The following SHB variants were observed in gnomAD, a reference collection of about 807,000 sequenced individuals.
SHB encodes SH2 domain-containing adapter protein B.
A neutral mutation model predicts 52.3 loss-of-function variants in SHB; 20 were observed. The ratio of observed to expected loss-of-function variants is 0.38; its 90% confidence interval spans 0.27 to 0.56. The LOEUF is 0.56. Ranked by LOEUF, SHB falls within the 20% of genes least tolerant of loss-of-function variation. The pLI is 0.71. For synonymous variants in SHB, 397 were observed against 316.5 expected, an observed-to-expected ratio of 1.25 and a Z score of -2.70; for missense variants, 825 against 723.3, an observed-to-expected ratio of 1.14 and a Z score of -1.61.
chr9:38,004,094 G>A (rs1386968152), intron 2 of SHB, among the ~76,000 whole-genome samples: 3 of 152,326 alleles, frequency 2.0e-5, no homozygotes, highest in East Asian at 3.9e-4. Context: ...GTTCCTGGAG[G>A]TGCTCCCAGG....
intron 1 of SHB, among the ~76,000 whole-genome samples, chr9:38,035,310 T>C (rs7043271): frequency 0.6 from 89,958 of 151,072 alleles, 26,889 homozygotes; most frequent in Middle Eastern, 0.67. Context: ...GAGCTCCCTG[T>C]CACAGGGGAC....
At chr9:37,928,247 C>T (rs1832273081) in intron 5 of SHB, among the ~76,000 whole-genome samples, 1 of 152,194 alleles carries the variant, frequency 6.6e-6, no homozygotes, top group East Asian at 1.9e-4. Flanking sequence ...AATGGCTCCC[C>T]TCATGGAGGG....
chr9:38,007,717 A>C (rs771455731), intron 2 of SHB, among the ~76,000 whole-genome samples: 8 of 152,234 alleles, frequency 5.3e-5, no homozygotes, highest in Admixed American at 6.5e-5. Flanking sequence ...AACAAAACCT[A>C]TATCTCTGCC....
At chr9:38,028,990 A>T (rs1821380440) in intron 1 of SHB, among the ~76,000 whole-genome samples, 1 of 152,004 alleles carries the variant, frequency 6.6e-6, no homozygotes, top group South Asian at 2.1e-4. Context: ...AAGTGGATAC[A>T]GGACCACCGA....
intron 2 of SHB, among the ~76,000 whole-genome samples, chr9:37,998,444 C>CA (rs1194432677): frequency 2.6e-5 from 4 of 152,270 alleles, no homozygotes; most frequent in Admixed American, 2.6e-4. Flanking sequence ...CTGATGGTCT[C>CA]AAAATCCTAT....
At chr9:38,066,811 C>T (rs79244753) in intron 1 of SHB, among the ~76,000 whole-genome samples, 3,192 of 152,240 alleles carry the variant, frequency 0.021, 56 homozygotes, top group East Asian at 0.09. Context: ...TGTCTCCCTC[C>T]TGTCTGGACA....
At chr9:38,059,494 G>A (rs898793641) in intron 1 of SHB, among the ~76,000 whole-genome samples, 4 of 152,148 alleles carry the variant, frequency 2.6e-5, no homozygotes, top group East Asian at 1.9e-4. Context: ...TTCCTGCCTC[G>A]GGAGTTAGGA....
intron 1 of SHB, among the ~76,000 whole-genome samples, chr9:38,018,805 T>A (rs1413722362): frequency 6.6e-6 from 1 of 152,228 alleles, no homozygotes; most frequent in African/African-American, 2.4e-5. Context: ...CTGGGCAGTG[T>A]GACCACTGTC....
chr9:37,986,730 G>A (rs1820811381), intron 2 of SHB, among the ~76,000 whole-genome samples: 1 of 152,218 alleles, frequency 6.6e-6, no homozygotes, highest in South Asian at 2.1e-4. Flanking sequence ...CAGGGGCTGG[G>A]CTAGCACGGG....
At chr9:37,920,082 G>T in intron 5 of SHB, 78 bp from the exon 6 acceptor site, 2 of 1,136,424 alleles carry the variant, frequency 1.8e-6, no homozygotes, top group Non-Finnish European at 2.6e-6. Context: ...CAGCTGTCTG[G>T]GACAGAAGGG....
In SHB at chr9:38,009,088, C is replaced by G. The variant is rs554281717; in HGVS notation, c.838+6923G>C. On this transcript the variant is annotated intron_variant, in intron 2 of 5. Coordinates refer to ENST00000377707, the MANE Select transcript of SHB (RefSeq NM_003028.3). ...TCTCAGGCAGGGTGGCCAGAGGCAG[C>G]TTCTCTGACACCCAAGCAAGACTCA... Among the ~76,000 whole-genome samples, 12 of 152,336 alleles carry G rather than the reference C, an allele frequency of 7.9e-5. 1 individual carries two copies. The highest frequency in any genetic ancestry group is 7.8e-4 in the Admixed American group (12 of 15,304).
intron 3 of SHB, among the ~76,000 whole-genome samples, chr9:37,962,444 G>A (rs936775978): frequency 2.0e-5 from 3 of 152,074 alleles, no homozygotes; most frequent in African/African-American, 7.2e-5. Context: ...GTCAACAAAG[G>A]AAACTCAGGA....
chr9:38,022,147 T>C (rs1388486714), intron 1 of SHB, among the ~76,000 whole-genome samples: 3 of 152,182 alleles, frequency 2.0e-5, no homozygotes, highest in Non-Finnish European at 4.4e-5. Context: ...GCCACTAATC[T>C]CTTAGAGAAT....
intron 2 of SHB, among the ~76,000 whole-genome samples, chr9:38,012,515 C>G (rs1172980478): frequency 3.0e-4 from 45 of 152,098 alleles, no homozygotes; most frequent in Admixed American, 2.9e-3. Context: ...TCACCGGCCC[C>G]TCATTCCATA....
chr9:38,060,421 T>C (rs762686119), intron 1 of SHB, among the ~76,000 whole-genome samples: 5 of 152,174 alleles, frequency 3.3e-5, no homozygotes, highest in Non-Finnish European at 7.3e-5. Flanking sequence ...GTGATCCACC[T>C]TGGCCTCCCA....
At chr9:38,066,299 A>G (rs1402419963) in intron 1 of SHB, among the ~76,000 whole-genome samples, 1 of 152,212 alleles carries the variant, frequency 6.6e-6, no homozygotes, top group African/African-American at 2.4e-5. Context: ...GTGTGGCTGC[A>G]GGGTAACAAG....
chr9:37,997,641 G>A (rs1048384859), intron 2 of SHB, among the ~76,000 whole-genome samples: 9 of 152,132 alleles, frequency 5.9e-5, no homozygotes, highest in African/African-American at 2.2e-4. Context: ...CTGCAGAGTG[G>A]GCAAAACTCC....
chr9:38,042,386 G>A (rs1426137299), intron 1 of SHB, among the ~76,000 whole-genome samples: 4 of 152,198 alleles, frequency 2.6e-5, no homozygotes, highest in Non-Finnish European at 5.9e-5. Flanking sequence ...GCAGTGTTGT[G>A]CGTAACACAC....
chr9:37,946,523 T>C lies in SHB; in HGVS notation c.1346+2112A>G, dbSNP rs141710972. Among the ~76,000 whole-genome samples the C allele has an allele frequency of 3.5e-4, 54 of 152,278 alleles. 1 individual carries two copies. The Middle Eastern group carries it at 0.017, about 48-fold the overall frequency. On this transcript the variant is annotated intron_variant, in intron 5 of 5. Transcript: ENST00000377707. ...GCCCTGGCACATCCTGGATACTCAA[T>C]AGGCTGCTGTTCCCTCGAAGGCAGG...
Sources: allele counts gnomAD v4.1 joint callset (sites outside exome capture counted in the v4.1 genomes callset), GRCh38; gene constraint gnomAD v4.1.1; transcripts MANE v1.5; gene names NCBI Gene and HGNC (gene_info 2026-07-23, HGNC 2026-07-21).